The following TMEM170B variants were observed in gnomAD, a reference collection of about 807,000 sequenced individuals.
TMEM170B encodes the protein transmembrane protein 170B.
TMEM170B carries 6 observed loss-of-function variants against 13.0 expected under a neutral mutation model. The ratio of observed to expected loss-of-function variants is 0.46; its 90% CI spans 0.25 to 0.91. The LOEUF (loss-of-function observed/expected upper bound fraction) is 0.91. TMEM170B is among the 40% of genes least tolerant of loss of function. The pLI is 0.17. For missense variants in TMEM170B, 138 were observed against 165.2 expected, an observed-to-expected ratio of 0.84 and a Z score of 0.90; for synonymous variants, 61 against 64.9, an observed-to-expected ratio of 0.94 and a Z score of 0.29.
At position 11,538,103 on chromosome 6, in the gene TMEM170B, C is replaced by G. The variant is rs988117684; in HGVS notation, c.-175C>G. Among the ~76,000 whole-genome samples the G allele has an allele frequency of 2.0e-5, 3 of 151,116 alleles. No individual in the cohort carries two copies. The South Asian group carries it at 6.2e-4, about 31-fold the overall frequency. On this transcript the variant is annotated 5_prime_UTR_variant, in exon 1 of 3. Coordinates refer to ENST00000379426, the MANE Select transcript of TMEM170B (RefSeq NM_001100829.3). ...CTGCCTGGGAGACACGCTGAGCGGC[C>G]CCCCCACGGAGGCCCTCCGGCTGCA... is the stretch of plus-strand genomic sequence containing the variant.
At position 11,575,443 on chromosome 6, in the gene TMEM170B, C is replaced by T. The variant is rs992343879; in HGVS notation, c.281C>T (p.Ala94Val). Residue 94 changes from alanine (A) to valine (V), a missense_variant, in exon 3 of 3, where the codon GCG becomes GTG. Transcript: ENST00000379426. The surrounding 1 kb of genome is among the most constrained non-coding windows in gnomAD (Gnocchi z 4.1). ...TGAMITSAAV[A>V]GIYRVAGKNM... Reference sequence around the variant, plus strand: ...CGTTTCTCCTTAGGTGCAGCAGTAGCGGGCATTTACAGAGTAGCTGGGAAG... The same window carrying T: ...CGTTTCTCCTTAGGTGCAGCAGTAGTGGGCATTTACAGAGTAGCTGGGAAG... 8.7e-6 allele frequency: 14 copies of T among 1,613,236 alleles called. No homozygotes were observed. The highest frequency in any genetic ancestry group is 6.6e-5 in the South Asian group (6 of 91,066).
At chr6:11,560,963 T>C (rs1480049263) in intron 1 of TMEM170B, among the ~76,000 whole-genome samples, 2 of 152,166 alleles carry the variant, frequency 1.3e-5, no homozygotes, top group Admixed American at 6.5e-5. Context: ...AAGTTACAGA[T>C]TGGGAGCAGA....
chr6:11,571,063 A>C (rs1759792797), intron 2 of TMEM170B, among the ~76,000 whole-genome samples: 1 of 152,158 alleles, frequency 6.6e-6, no homozygotes, highest in African/African-American at 2.4e-5. Flanking sequence ...AACTGATAGA[A>C]TCAACACATT....
chr6:11,571,711 A>G (rs1759803470), intron 2 of TMEM170B, among the ~76,000 whole-genome samples: 1 of 152,198 alleles, frequency 6.6e-6, no homozygotes, highest in Non-Finnish European at 1.5e-5. Context: ...GTTCAGCAAG[A>G]CACCCTAAGG....
At chr6:11,542,786 TTGTC>T (rs1267837285) in intron 1 of TMEM170B, among the ~76,000 whole-genome samples, 1 of 152,188 alleles carries the variant, frequency 6.6e-6, no homozygotes, top group Non-Finnish European at 1.5e-5. Context: ...ATTTACAACT[TTGTC>T]TGCTCAAAAG....
In TMEM170B at chr6:11,565,819, C is replaced by G. The variant is rs1335285884; in HGVS notation, c.251C>G (p.Thr84Ser). 5 of 1,614,122 alleles carry G rather than the reference C, an allele frequency of 3.1e-6. No homozygotes were observed. The Admixed American group carries it at 8.3e-5, about 27-fold the overall frequency. ...AGCATTGGATTTCTGGCTTCTGTAA[C>G]TGGAGCGATGATTACCAGTAAGTTG... ...AVSIGFLASVTGAMITSAAVA... is the reference protein window; with the variant it reads ...AVSIGFLASVSGAMITSAAVA... Residue 84 changes from threonine (T) to serine (S), a missense_variant, in exon 2 of 3, where the codon ACT becomes AGT. Thr to Ser is a moderately conservative substitution (Grantham distance 58). Coordinates refer to ENST00000379426, the MANE Select transcript of TMEM170B (RefSeq NM_001100829.3).
rs1171089633 is a variant in TMEM170B at position 11,581,484 on chromosome 6, C to T, written c.*5923C>T. The T allele has an allele frequency of 1.3e-5, 2 of 152,166 alleles. No homozygotes were observed. The highest frequency in any genetic ancestry group is 2.9e-5 in the Non-Finnish European group (2 of 68,038). 9.4% of individuals were successfully genotyped at this position (152,166 alleles called of 1,614,324 possible). On this transcript the variant is annotated 3_prime_UTR_variant, in exon 3 of 3. Coordinates refer to ENST00000379426, the MANE Select transcript of TMEM170B (RefSeq NM_001100829.3). The stretch of plus-strand genomic sequence containing the variant: ...TATGTACTGCACCCACATGTATCTA[C>T]TCTTGGTAGTAACATGACTCCACCC...
chr6:11,563,004 CT>C (rs766778346), intron 1 of TMEM170B, among the ~76,000 whole-genome samples: 14 of 152,038 alleles, frequency 9.2e-5, no homozygotes, highest in Non-Finnish European at 2.1e-4. Flanking sequence ...AAATTTTTTA[CT>C]TTTTAAAAAA....
At chr6:11,551,113 G>C (rs1759519341) in intron 1 of TMEM170B, among the ~76,000 whole-genome samples, 1 of 152,140 alleles carries the variant, frequency 6.6e-6, no homozygotes, top group South Asian at 2.1e-4. Context: ...ACTTGTCTAG[G>C]GCTGGGGGTT....
chr6:11,574,396 ATAAT>A (rs1049598911), intron 2 of TMEM170B, among the ~76,000 whole-genome samples: 10 of 152,186 alleles, frequency 6.6e-5, no homozygotes, highest in African/African-American at 2.4e-4. Flanking sequence ...TGAAGTACAA[ATAAT>A]TAATCTTTAG....
Position 11,566,197 on chromosome 6 carries a change from A to G in TMEM170B, c.268+361A>G, listed in dbSNP as rs1241336209. Among the ~76,000 whole-genome samples the G allele has an allele frequency of 2.0e-5, 3 of 152,362 alleles. No individual in the cohort carries two copies. In the East Asian group the frequency reaches 5.8e-4, roughly 29 times the overall value. The stretch of plus-strand genomic sequence containing the variant: ...GCATAAAAATATGTCAGTGATAATT[A>G]TCATAAGCAAAAGTATAGCCCTGAG... On this transcript the variant is annotated intron_variant, in intron 2 of 2. Transcript: ENST00000379426.
chr6:11,571,773 A>G (rs1030113276), intron 2 of TMEM170B, among the ~76,000 whole-genome samples: 5 of 152,200 alleles, frequency 3.3e-5, no homozygotes, highest in Non-Finnish European at 7.4e-5. Flanking sequence ...AAAATAATAT[A>G]TAACTTCATA....
rs150769434 is a variant in TMEM170B at position 11,578,748 on chromosome 6, A to G, written c.*3187A>G. ...CATACATTTCACTGCTCAAAAAAGTATAAGGGTTTTGTTTGTACTTTAAAT... is the reference window on the plus strand; with the variant it reads ...CATACATTTCACTGCTCAAAAAAGTGTAAGGGTTTTGTTTGTACTTTAAAT... On this transcript the variant is annotated 3_prime_UTR_variant, in exon 3 of 3. Coordinates refer to ENST00000379426, the MANE Select transcript of TMEM170B (RefSeq NM_001100829.3). The G allele has an allele frequency of 3.5e-3, 526 of 152,342 alleles. 2 individuals carry two copies. The highest frequency in any genetic ancestry group is 0.012 in the African/African-American group (495 of 41,588). The allele number at this position is 152,342 out of a possible 1,614,324, so 9.4% of individuals were successfully genotyped here.
chr6:11,575,642 A>G lies in TMEM170B; in HGVS notation c.*81A>G. The G allele has an allele frequency of 6.5e-7, 1 of 1,548,244 alleles. No individual in the cohort carries two copies. The highest frequency in any genetic ancestry group is 8.9e-7 in the Non-Finnish European group (1 of 1,128,002). On this transcript the variant is annotated 3_prime_UTR_variant, in exon 3 of 3. Transcript: ENST00000379426. The surrounding 1 kb of genome is among the most constrained non-coding windows in gnomAD (Gnocchi z 4.1). ...AAAACGGCATTGTTAACAAGTGGAA[A>G]TGAAATTGTGCAAGAATGTGGACTG...
rs1561687762 is a variant in TMEM170B at position 11,566,167 on chromosome 6, C to CTG, written c.268+331_268+332insTG. On this transcript the variant is annotated intron_variant, in intron 2 of 2. Coordinates refer to ENST00000379426, the MANE Select transcript of TMEM170B (RefSeq NM_001100829.3). ...AAGTTGCTCATTTTCTAGGAAAAAACAAAGGCATAAAAATATGTCAGTGAT... is the reference window on the plus strand; with the variant it reads ...AAGTTGCTCATTTTCTAGGAAAAAACTGAAAGGCATAAAAATATGTCAGTGAT... Among the ~76,000 whole-genome samples, 7 of 152,308 alleles carry CTG rather than the reference C, an allele frequency of 4.6e-5. 1 individual carries two copies. The South Asian group carries it at 1.5e-3, about 32-fold the overall frequency.
chr6:11,559,267 G>C (rs12203396), intron 1 of TMEM170B, among the ~76,000 whole-genome samples: 8,729 of 150,702 alleles, frequency 0.058, 275 homozygotes, highest in East Asian at 0.16. Context: ...GATCATGGGT[G>C]ACTGCTGCAG....
chr6:11,539,968 C>A (rs1759337312), intron 1 of TMEM170B, among the ~76,000 whole-genome samples: 1 of 152,124 alleles, frequency 6.6e-6, no homozygotes, highest in Admixed American at 6.5e-5. Flanking sequence ...GTAAAAGTTA[C>A]ATTTTACCTG....
rs542251967 is a variant in TMEM170B, at chr6:11,578,399, A to C, written c.*2838A>C. 1.3e-5 allele frequency: 2 copies of C among 152,284 alleles called. No individual in the cohort carries two copies. Among genetic ancestry groups the C allele is most frequent in the Admixed American group, 6.5e-5 (1 of 15,298 alleles). 9.4% of individuals were successfully genotyped at this position (152,284 alleles called of 1,614,324 possible). A position where few individuals can be genotyped will look rare whatever the true frequency, so the allele number is the denominator to read the frequency against. ...AAATGTTTAATAAAATATTGTTTAT[A>C]GTGAAATCAGCTCCCCAAAGAAGGA... On this transcript the variant is annotated 3_prime_UTR_variant, in exon 3 of 3. Transcript: ENST00000379426.
chr6:11,575,601 A>T lies in TMEM170B; in HGVS notation c.*40A>T, dbSNP rs201989818. 35 of 1,607,020 alleles carry T rather than the reference A, an allele frequency of 2.2e-5. No homozygotes were observed. The highest frequency in any genetic ancestry group is 3.4e-6 in the Non-Finnish European group (4 of 1,175,348). On this transcript the variant is annotated 3_prime_UTR_variant, in exon 3 of 3. Transcript: ENST00000379426. This position sits in a 1 kb window ranked among gnomAD's most constrained non-coding sequence, Gnocchi z 4.1. ...TGTCTTACTTCACATAAGGAAACAG[A>T]TGTACAGATTCCCTGAAAACGGCAT...
Sources: allele counts gnomAD v4.1 joint callset (sites outside exome capture counted in the v4.1 genomes callset), GRCh38; gene constraint gnomAD v4.1.1; non-coding constraint Gnocchi (gnomAD v3.1); transcripts MANE v1.5; gene names NCBI Gene and HGNC (gene_info 2026-07-23, HGNC 2026-07-21).